Variants in HS6ST3 observed in about 807,000 individuals in gnomAD.
HS6ST3 encodes heparan-sulfate 6-O-sulfotransferase 3.
In HS6ST3, 12 loss-of-function variants were observed where a neutral mutation model predicts 36.7. The observed-to-expected ratio is 0.33, with a 90% confidence interval of 0.21 to 0.53. The LOEUF (loss-of-function observed/expected upper bound fraction) is 0.53. Ranked by LOEUF, HS6ST3 falls within the 20% of genes least tolerant of loss-of-function variation. HS6ST3 has a pLI of 0.95. For synonymous variants in HS6ST3, 240 were observed against 257.5 expected (o/e 0.93, Z 0.65); for missense variants, 584 against 640.9 (o/e 0.91, Z 0.96).
chr13:96,787,602 T>C (rs983300705), intron 1 of HS6ST3, among the ~76,000 whole-genome samples: 3 of 152,076 alleles, frequency 2.0e-5, no homozygotes, highest in Non-Finnish European at 4.4e-5. Flanking sequence ...TCAAATATTT[T>C]GCACATTTCT....
At chr13:96,195,393 A>G (rs2054307305) in intron 1 of HS6ST3, among the ~76,000 whole-genome samples, 1 of 152,224 alleles carries the variant, frequency 6.6e-6, no homozygotes, top group African/African-American at 2.4e-5. Flanking sequence ...CTTTGCAGAA[A>G]TATTTTATCC....
chr13:96,666,456 C>T (rs2056664626), intron 1 of HS6ST3, among the ~76,000 whole-genome samples: 1 of 152,130 alleles, frequency 6.6e-6, no homozygotes, highest in African/African-American at 2.4e-5. Flanking sequence ...GCATCACATT[C>T]ATGCTGTTTT....
At chr13:96,320,796 C>T (rs890576801) in intron 1 of HS6ST3, among the ~76,000 whole-genome samples, 3 of 152,316 alleles carry the variant, frequency 2.0e-5, no homozygotes, top group South Asian at 2.1e-4. Flanking sequence ...CTATTTCCCA[C>T]ATGAGTGAGA....
At chr13:96,766,115 T>A (rs1877108476) in intron 1 of HS6ST3, among the ~76,000 whole-genome samples, 2 of 152,314 alleles carry the variant, frequency 1.3e-5, no homozygotes, top group South Asian at 4.1e-4. Flanking sequence ...CTGTTAAAAT[T>A]GTAGAGAGTA....
At chr13:96,509,009 A>G (rs1215659720) in intron 1 of HS6ST3, among the ~76,000 whole-genome samples, 2 of 152,102 alleles carry the variant, frequency 1.3e-5, no homozygotes, top group African/African-American at 4.8e-5. Flanking sequence ...ATCCAGGGCA[A>G]CATCTCTTGT....
chr13:96,370,147 A>G (rs776112313), intron 1 of HS6ST3, among the ~76,000 whole-genome samples: 3 of 152,204 alleles, frequency 2.0e-5, no homozygotes, highest in Non-Finnish European at 2.9e-5. Context: ...TGCCAGTCCA[A>G]TAAATTTTGA....
chr13:96,105,050 C>T (rs2053834910), intron 1 of HS6ST3, among the ~76,000 whole-genome samples: 1 of 116,844 alleles, frequency 8.6e-6, no homozygotes, highest in African/African-American at 3.1e-5. Flanking sequence ...TGTAATTAAC[C>T]AAAGGCATAA....
intron 1 of HS6ST3, among the ~76,000 whole-genome samples, chr13:96,514,645 G>A (rs1489448469): frequency 2.0e-5 from 3 of 152,158 alleles, no homozygotes; most frequent in Admixed American, 6.5e-5. Context: ...AGAGGCAATC[G>A]TACCTTGCTG....
At chr13:96,464,158 A>AAAAAAAAAAAAAAAAAAAAAAAC (rs1443303024) in intron 1 of HS6ST3, among the ~76,000 whole-genome samples, 2 of 149,542 alleles carry the variant, frequency 1.3e-5, no homozygotes, top group Non-Finnish European at 1.5e-5. Flanking sequence ...AAAAAAAAAA[A>AAAAAAAAAAAAAAAAAAAAAAAC]AAATCAAAGA....
At chr13:96,703,909 T>G (rs1875352613) in intron 1 of HS6ST3, among the ~76,000 whole-genome samples, 1 of 152,168 alleles carries the variant, frequency 6.6e-6, no homozygotes, top group African/African-American at 2.4e-5. Flanking sequence ...TTAAAAGTGT[T>G]TGGCTTTCCC....
At chr13:96,477,603 C>T (rs987418193) in intron 1 of HS6ST3, among the ~76,000 whole-genome samples, 2 of 152,106 alleles carry the variant, frequency 1.3e-5, no homozygotes, top group African/African-American at 4.8e-5. Context: ...GCACGGTGGC[C>T]TCACACCTGT....
chr13:96,395,096 T>C (rs1305204777), intron 1 of HS6ST3, among the ~76,000 whole-genome samples: 1 of 152,192 alleles, frequency 6.6e-6, no homozygotes, highest in East Asian at 1.9e-4. Flanking sequence ...AATGCACTTA[T>C]ATTATTTGGA....
At chr13:96,548,901 T>C (rs2056207926) in intron 1 of HS6ST3, among the ~76,000 whole-genome samples, 1 of 152,210 alleles carries the variant, frequency 6.6e-6, no homozygotes, top group Admixed American at 6.5e-5. Context: ...AAAACACTCT[T>C]GTGGAAGTAT....
chr13:96,733,795 T>A (rs998495618), intron 1 of HS6ST3, among the ~76,000 whole-genome samples: 3 of 152,160 alleles, frequency 2.0e-5, no homozygotes, highest in African/African-American at 7.2e-5. Flanking sequence ...TCACAGAAGG[T>A]AGTTCTGTCC....
At chr13:96,379,195 A>T (rs2055328703) in intron 1 of HS6ST3, among the ~76,000 whole-genome samples, 1 of 152,202 alleles carries the variant, frequency 6.6e-6, no homozygotes, top group African/African-American at 2.4e-5. Flanking sequence ...AACAAAAAAA[A>T]TCTTTAATTT....
rs140220535 is a variant in HS6ST3 at position 96,504,039 on chromosome 13, C to T, written c.708-328451C>T. Among the ~76,000 whole-genome samples, 9 of 152,264 alleles carry T rather than the reference C, an allele frequency of 5.9e-5. No individual in the cohort carries two copies. The East Asian group carries it at 1.7e-3, about 29-fold the overall frequency. On this transcript the variant is annotated intron_variant, in intron 1 of 1. Coordinates refer to ENST00000376705, the MANE Select transcript of HS6ST3 (RefSeq NM_153456.4). ...ACACTAATCCCATCTATGAGGGCTCCACCCTCATGACTGAATTTCCTCCAA... is the reference window on the plus strand; with the variant it reads ...ACACTAATCCCATCTATGAGGGCTCTACCCTCATGACTGAATTTCCTCCAA...
At chr13:96,502,342 A>C (rs887788392) in intron 1 of HS6ST3, among the ~76,000 whole-genome samples, 2 of 145,904 alleles carry the variant, frequency 1.4e-5, no homozygotes, top group East Asian at 4.0e-4. Flanking sequence ...GCCTGTGTCT[A>C]TAAGTCTCTT....
rs1655664229 is a variant in HS6ST3 at position 96,613,816 on chromosome 13, CTG to C, written c.708-218672_708-218671del. 2.6e-5 allele frequency among the ~76,000 whole-genome samples: 4 copies of C among 152,230 alleles called. No homozygotes were observed. In the South Asian group the frequency reaches 8.3e-4, roughly 32 times the overall value. ...GCAAATTAATAAAAAGAGGGCTTGT[CTG>C]TAAAATTTCTTCCTTTTAATTGCAC... On this transcript the variant is annotated intron_variant, in intron 1 of 1. Transcript: ENST00000376705.
At chr13:96,275,353 T>C (rs1470860432) in intron 1 of HS6ST3, among the ~76,000 whole-genome samples, 12 of 152,184 alleles carry the variant, frequency 7.9e-5, no homozygotes, top group Non-Finnish European at 7.4e-5. Context: ...CTTCCACCTT[T>C]GTCATTACTC....
Sources: gnomAD v4.1 joint callset for allele counts (sites outside exome capture counted in the v4.1 genomes callset) on GRCh38, gnomAD v4.1.1 for gene constraint, MANE v1.5 for transcripts, NCBI Gene and HGNC (gene_info 2026-07-23, HGNC 2026-07-21) for gene names.